DCDC1: variants seen among roughly 807,000 people sequenced by gnomAD.
DCDC1 encodes the protein doublecortin domain-containing protein 1.
In DCDC1, 200 loss-of-function variants were observed where a neutral mutation model predicts 178.3. That is an observed-to-expected ratio of 1.12 (90% CI 1.00 to 1.26). DCDC1 has a LOEUF of 1.26. DCDC1 is among the 50% of genes most tolerant of loss of function. DCDC1 has a pLI of 0.00. For synonymous variants in DCDC1, 690 were observed against 604.8 expected (o/e 1.14, Z -2.07); for missense variants, 1,983 against 1,749.2 (o/e 1.13, Z -2.38).
chr11:30,899,807 G>A (rs940596861), intron 33 of DCDC1, among the ~76,000 whole-genome samples, 165 bp from the exon 34 acceptor site: 6 of 152,070 alleles, frequency 3.9e-5, no homozygotes, highest in East Asian at 1.9e-4. Context: ...CAGGGCTTAA[G>A]GCATTTCTTT....
At chr11:31,011,867 G>A (rs1196627183) in intron 20 of DCDC1, among the ~76,000 whole-genome samples, 2 of 152,144 alleles carry the variant, frequency 1.3e-5, no homozygotes, top group African/African-American at 4.8e-5. Flanking sequence ...ATTTATATTT[G>A]TTATCTGATA....
At chr11:31,323,125 C>A (rs1035161281) in intron 3 of DCDC1, among the ~76,000 whole-genome samples, 2 of 152,156 alleles carry the variant, frequency 1.3e-5, no homozygotes, top group East Asian at 1.9e-4. Context: ...TTTTTATTTT[C>A]CCTCTTTATG....
At position 31,101,875 on chromosome 11, in the gene DCDC1, G is replaced by A. The variant is rs562644319; in HGVS notation, c.1983+302C>T. Among the ~76,000 whole-genome samples the A allele has an allele frequency of 2.7e-4, 41 of 152,180 alleles. No homozygotes were observed. In the Middle Eastern group the frequency reaches 0.01, roughly 38 times the overall value. On this transcript the variant is annotated intron_variant, in intron 15 of 38. Coordinates refer to ENST00000684477, the MANE Select transcript of DCDC1 (RefSeq NM_001387274.1). ...ACGGATCACTTGAAGTCAGGAATTC[G>A]AGACCAGCCTGGCCAACATGGCAAA... is the stretch of plus-strand genomic sequence containing the variant.
At chr11:30,883,138 G>T (rs1942836914) in intron 36 of DCDC1, 1 of 153,074 alleles carries the variant, frequency 6.5e-6, no homozygotes, top group South Asian at 2.0e-4. Flanking sequence ...GAACAAAGAG[G>T]TTAAATATAA....
chr11:31,327,967 TGA>T, intron 3 of DCDC1, 148 bp downstream of exon 3: 1 of 662,500 alleles, frequency 1.5e-6, no homozygotes, highest in South Asian at 4.2e-5. Context: ...TAACCTCAAG[TGA>T]TCCACCTGCC....
intron 38 of DCDC1, among the ~76,000 whole-genome samples, chr11:30,873,079 GTCTC>G (rs887060085): frequency 6.7e-6 from 1 of 148,420 alleles, no homozygotes; most frequent in Non-Finnish European, 1.5e-5. Context: ...CTCTCTCTCT[GTCTC>G]TCTCTCTGTC....
intron 11 of DCDC1, among the ~76,000 whole-genome samples, chr11:31,116,410 T>C (rs775847045): frequency 5.3e-5 from 8 of 152,172 alleles, no homozygotes; most frequent in Admixed American, 3.9e-4. Flanking sequence ...AAAAAAAATT[T>C]ATCCAACCAG....
chr11:30,888,649 G>A (rs986628554), intron 36 of DCDC1, among the ~76,000 whole-genome samples: 3 of 152,072 alleles, frequency 2.0e-5, no homozygotes, highest in Non-Finnish European at 2.9e-5. Context: ...CCCAGGAGGC[G>A]GAGGTTTCAG....
intron 18 of DCDC1, among the ~76,000 whole-genome samples, chr11:31,072,323 T>C (rs1956615917): frequency 6.6e-6 from 1 of 152,184 alleles, no homozygotes; most frequent in Non-Finnish European, 1.5e-5. Flanking sequence ...ATAAGGTTTA[T>C]TATATATTGA....
intron 3 of DCDC1, among the ~76,000 whole-genome samples, chr11:31,309,194 CA>C (rs1370884056): frequency 6.7e-6 from 1 of 149,672 alleles, no homozygotes; most frequent in East Asian, 1.9e-4. Flanking sequence ...ACAGTGGACC[CA>C]GGGGAACTAC....
intron 15 of DCDC1, among the ~76,000 whole-genome samples, 197 bp from the exon 16 acceptor site, chr11:31,094,381 T>C (rs1350441754): frequency 6.6e-6 from 1 of 152,186 alleles, no homozygotes; most frequent in Non-Finnish European, 1.5e-5. Flanking sequence ...CAAGACCCTA[T>C]GCTGTGTGGT....
chr11:31,040,062 G>A (rs1265699119), intron 20 of DCDC1, among the ~76,000 whole-genome samples: 1 of 151,832 alleles, frequency 6.6e-6, no homozygotes, highest in Non-Finnish European at 1.5e-5. Context: ...TTGAGTTTCA[G>A]AAAGGCATTG....
At chr11:31,191,574 G>T (rs1970133006) in intron 9 of DCDC1, among the ~76,000 whole-genome samples, 1 of 152,020 alleles carries the variant, frequency 6.6e-6, no homozygotes, top group Non-Finnish European at 1.5e-5. Flanking sequence ...CAAGATTAAT[G>T]GATAGACTAT....
At chr11:31,006,881 T>C (rs1419197447) in intron 20 of DCDC1, among the ~76,000 whole-genome samples, 1 of 152,220 alleles carries the variant, frequency 6.6e-6, no homozygotes, top group Admixed American at 6.5e-5. Context: ...AGAAAAAATA[T>C]AAAATTCTCC....
chr11:31,028,057 TA>T (rs987385955), intron 20 of DCDC1, among the ~76,000 whole-genome samples: 35 of 151,888 alleles, frequency 2.3e-4, no homozygotes, highest in African/African-American at 6.3e-4. Flanking sequence ...ATAATTAGTA[TA>T]AAAAAACAAT....
intron 1 of DCDC1, among the ~76,000 whole-genome samples, chr11:31,354,501 C>G (rs1951231606): frequency 6.6e-6 from 1 of 152,018 alleles, no homozygotes; most frequent in Admixed American, 6.5e-5. Flanking sequence ...ATTTTTAAAG[C>G]AAGGGGGAAA....
At chr11:31,170,439 G>A (rs1967068409) in intron 9 of DCDC1, among the ~76,000 whole-genome samples, 1 of 152,198 alleles carries the variant, frequency 6.6e-6, no homozygotes, top group Non-Finnish European at 1.5e-5. Context: ...TGAGAGAGAA[G>A]TATGGAATAG....
rs1250118434 is a variant in DCDC1, at chr11:30,952,368, A to G, written c.2715+77T>C. 9.1e-6 allele frequency: 12 copies of G among 1,323,716 alleles called. 1 individual carries two copies. The highest frequency in any genetic ancestry group is 8.7e-5 in the African/African-American group (6 of 68,578). The allele number at this position is 1,323,716 out of a possible 1,614,324, so 82.0% of individuals were successfully genotyped here. On this transcript the variant is annotated intron_variant, in intron 21 of 38. Coordinates refer to ENST00000684477, the MANE Select transcript of DCDC1 (RefSeq NM_001387274.1). ...AGCTGCAATTCAAAAGCTATATGGAAGTTGTCAGGAATTTGACCACACAAC... is the reference window on the plus strand; with the variant it reads ...AGCTGCAATTCAAAAGCTATATGGAGGTTGTCAGGAATTTGACCACACAAC...
In DCDC1 at chr11:30,905,251, T is replaced by C. The variant is rs189751445; in HGVS notation, c.4105-87A>G. On this transcript the variant is annotated intron_variant, in intron 30 of 38. Transcript: ENST00000684477. ...TTTAGTCTCTTAATAAATGTGTGTA[T>C]ACGTGTGTGGTGTCTACATTTTGCA... is the stretch of plus-strand genomic sequence containing the variant. 2.5e-5 allele frequency: 33 copies of C among 1,335,188 alleles called. No homozygotes were observed. In the Admixed American group the frequency reaches 6.0e-4, roughly 24 times the overall value. The allele number at this position is 1,335,188 out of a possible 1,614,324, so 82.7% of individuals were successfully genotyped here. A position where few individuals can be genotyped will look rare whatever the true frequency, so the allele number is the denominator to read the frequency against.
Sources: gnomAD v4.1 joint callset for allele counts (sites outside exome capture counted in the v4.1 genomes callset) on GRCh38, gnomAD v4.1.1 for gene constraint, MANE v1.5 for transcripts, NCBI Gene and HGNC (gene_info 2026-07-23, HGNC 2026-07-21) for gene names.